RABGAP1: variants seen among roughly 807,000 people sequenced by gnomAD.
The protein encoded by RABGAP1 is rab GTPase-activating protein 1.
RABGAP1 carries 23 observed loss-of-function variants against 137.6 expected under a neutral mutation model. The observed-to-expected ratio is 0.17, with a 90% CI of 0.12 to 0.24. RABGAP1 has a LOEUF of 0.24. RABGAP1 is among the 10% of genes least tolerant of loss of function. RABGAP1 has a pLI of 1.00. For synonymous variants in RABGAP1, 451 were observed against 450.7 expected (o/e 1.00, Z -0.01); for missense variants, 906 against 1,275.8 (o/e 0.71, Z 4.42).
At chr9:123,090,672 T>C (rs1368621494) in intron 21 of RABGAP1, among the ~76,000 whole-genome samples, 1 of 152,252 alleles carries the variant, frequency 6.6e-6, no homozygotes, top group East Asian at 1.9e-4. Context: ...TACATTACTA[T>C]AATTGGCAGG....
At position 123,010,383 on chromosome 9, in the gene RABGAP1, T is replaced by G. The variant is rs1051303588; in HGVS notation, c.1404T>G (p.Thr468=). 2.5e-6 allele frequency: 4 copies of G among 1,613,228 alleles called. No individual in the cohort carries two copies. In the African/African-American group the frequency reaches 4.0e-5, roughly 16 times the overall value. ...AGCAAAGGGAGAGAAAGAATAATAC[T>G]GACACTTTATATGAAGTTGTATGCT... ...QIKQRERKNN[T]DTLYEVVCLE... is the part of the protein sequence containing the mutation. Residue 468 remains threonine (T), a synonymous_variant, in exon 11 of 26, where the codon ACT becomes ACG. Transcript: ENST00000373647.
At chr9:123,066,549 T>C (rs1047722314) in intron 14 of RABGAP1, among the ~76,000 whole-genome samples, 2 of 152,128 alleles carry the variant, frequency 1.3e-5, no homozygotes, top group Non-Finnish European at 2.9e-5. Context: ...GGGTACGGGC[T>C]CCCTCTCATG....
At chr9:123,074,588 A>C (rs146343564) in intron 17 of RABGAP1, among the ~76,000 whole-genome samples, 160 bp downstream of exon 17, 2 of 152,342 alleles carry the variant, frequency 1.3e-5, no homozygotes, top group African/African-American at 4.8e-5. Context: ...CCTTGGACTA[A>C]AGCTAATGAT....
Position 123,097,795 on chromosome 9 carries a change from T to G in RABGAP1, c.2683T>G (p.Leu895Val). 1 of 1,613,836 alleles carries G rather than the reference T, an allele frequency of 6.2e-7. No individual in the cohort carries two copies. The highest frequency in any genetic ancestry group is 8.5e-7 in the Non-Finnish European group (1 of 1,179,930). Residue 895 changes from leucine to valine, a missense_variant, in exon 22 of 26, where the codon TTG becomes GTG. Coordinates refer to ENST00000373647, the MANE Select transcript of RABGAP1 (RefSeq NM_012197.4). ...NKELLMTKQKLIDAEEEKRRL... is the reference protein window; with the variant it reads ...NKELLMTKQKVIDAEEEKRRL... ...GGAGCTGCTGATGACCAAACAGAAG[T>G]TGATTGATGCAGAAGAAGAGAAAAG...
At chr9:122,959,671 A>G (rs1036671194) in intron 2 of RABGAP1, among the ~76,000 whole-genome samples, 3 of 152,188 alleles carry the variant, frequency 2.0e-5, no homozygotes, top group African/African-American at 7.2e-5. Flanking sequence ...GCTGAGAGAG[A>G]TGGTAACTCT....
At chr9:122,932,529 T>C in the RABGAP1 span, among the ~76,000 whole-genome samples, 1 of 144,648 alleles carries the variant, frequency 6.9e-6, no homozygotes, top group Non-Finnish European at 1.6e-5. Context: ...TTTCTTCTTC[T>C]TTTTTTTTCT....
chr9:123,061,020 A>AGT (rs2033950663), intron 13 of RABGAP1, among the ~76,000 whole-genome samples: 1 of 152,220 alleles, frequency 6.6e-6, no homozygotes, highest in Non-Finnish European at 1.5e-5. Context: ...ACCATAACAA[A>AGT]TTACTGTGTT....
chr9:123,025,486 A>ATG (rs2031898665), intron 13 of RABGAP1, among the ~76,000 whole-genome samples: 1 of 149,716 alleles, frequency 6.7e-6, no homozygotes, highest in African/African-American at 2.4e-5. Flanking sequence ...AGTTGAAGGT[A>ATG]TAAGTTTAAC....
chr9:123,092,514 AC>A (rs1392461090), intron 21 of RABGAP1, among the ~76,000 whole-genome samples: 1 of 152,096 alleles, frequency 6.6e-6, no homozygotes, highest in East Asian at 1.9e-4. Context: ...AGTTGAAGGT[AC>A]CCAGGAAGAA....
At chr9:123,072,937 C>G (rs911012129) in intron 15 of RABGAP1, among the ~76,000 whole-genome samples, 2 of 152,042 alleles carry the variant, frequency 1.3e-5, no homozygotes, top group Non-Finnish European at 2.9e-5. Context: ...AAATAATTAT[C>G]CATAAAACTA....
At chr9:123,053,787 A>G (rs1026154750) in intron 13 of RABGAP1, among the ~76,000 whole-genome samples, 5 of 152,166 alleles carry the variant, frequency 3.3e-5, no homozygotes, top group African/African-American at 1.2e-4. Flanking sequence ...AATTTTCCCT[A>G]TGTTGGTTAT....
intron 19 of RABGAP1, among the ~76,000 whole-genome samples, chr9:123,077,170 T>G (rs60371393): frequency 0.088 from 13,255 of 150,818 alleles, 1,685 homozygotes; most frequent in East Asian, 0.6. Flanking sequence ...TTTTGTTTTT[T>G]TTTTTTTCTT....
intron 21 of RABGAP1, among the ~76,000 whole-genome samples, chr9:123,092,127 A>G (rs1424989919): frequency 1.3e-5 from 2 of 152,226 alleles, no homozygotes; most frequent in Non-Finnish European, 2.9e-5. Flanking sequence ...CTAAAATTCC[A>G]GGTGGATTTT....
chr9:123,073,819 CTA>C, intron 16 of RABGAP1, 142 bp downstream of exon 16: 1 of 1,152,410 alleles, frequency 8.7e-7, no homozygotes, highest in Non-Finnish European at 1.2e-6. Context: ...TCCTTTATCA[CTA>C]TGTGATTATG....
At chr9:123,051,240 T>TGG (rs745385766) in intron 13 of RABGAP1, among the ~76,000 whole-genome samples, 5,655 of 64,178 alleles carry the variant, frequency 0.088, 1,344 homozygotes, top group East Asian at 0.39. Flanking sequence ...TTTTTTTTTT[T>TGG]TTTTTTTTTT....
chr9:123,090,228 C>G, intron 20 of RABGAP1, 47 bp from the exon 21 acceptor site: 3 of 1,439,232 alleles, frequency 2.1e-6, no homozygotes, highest in Non-Finnish European at 2.9e-6. Flanking sequence ...ATTTTCATTT[C>G]CATCTGATTT....
At chr9:122,978,793 C>T (rs1181106787) in intron 2 of RABGAP1, among the ~76,000 whole-genome samples, 1 of 152,148 alleles carries the variant, frequency 6.6e-6, no homozygotes, top group Non-Finnish European at 1.5e-5. Flanking sequence ...TGCATTCCTA[C>T]CAGCAATGTA....
Position 123,087,443 on chromosome 9 carries a change from G to A in RABGAP1, c.2425-2315G>A, listed in dbSNP as rs553772108. On this transcript the variant is annotated intron_variant, in intron 19 of 25. Transcript: ENST00000373647. Reference sequence around the variant, plus strand: ...CACTGGGATGAAGTGTTTGCTGTTCGCAGCCGCATTTATTTTCTGTTCCAC... The same window carrying A: ...CACTGGGATGAAGTGTTTGCTGTTCACAGCCGCATTTATTTTCTGTTCCAC... Among the ~76,000 whole-genome samples, 6 of 152,176 alleles carry A rather than the reference G, an allele frequency of 3.9e-5. No homozygotes were observed. The South Asian group carries it at 8.3e-4, about 21-fold the overall frequency.
At chr9:123,064,201 A>C (rs2034091523) in intron 13 of RABGAP1, among the ~76,000 whole-genome samples, 1 of 152,076 alleles carries the variant, frequency 6.6e-6, no homozygotes, top group Non-Finnish European at 1.5e-5. Flanking sequence ...GTAGTCATAG[A>C]TCTCCCTTGG....
Sources: gnomAD v4.1 joint callset for allele counts (sites outside exome capture counted in the v4.1 genomes callset) on GRCh38, gnomAD v4.1.1 for gene constraint, MANE v1.5 for transcripts, NCBI Gene and HGNC (gene_info 2026-07-23, HGNC 2026-07-21) for gene names.